OPLAH: variants seen among roughly 807,000 people sequenced by gnomAD.
The protein encoded by OPLAH is 5-oxoprolinase, ATP-hydrolysing, also known as 5-oxoprolinase.
Under a neutral mutation model 122.8 loss-of-function variants are expected in OPLAH, and 103 were observed. The observed-to-expected ratio is 0.84, with a 90% confidence interval of 0.71 to 0.99. The LOEUF is 0.99. OPLAH is among the 50% of genes least tolerant of loss of function. The pLI, the probability that OPLAH is intolerant of heterozygous loss-of-function variation, is 0.00. For synonymous variants in OPLAH, 875 were observed against 796.0 expected, an observed-to-expected ratio of 1.10 and a Z score of -1.67; for missense variants, 1,902 against 1,836.5, an observed-to-expected ratio of 1.04 and a Z score of -0.65.
chr8:144,060,022 G>A lies in OPLAH; in HGVS notation c.11C>T (p.Pro4Leu), dbSNP rs1461320056. 6.2e-7 allele frequency: 1 copy of A among 1,611,952 alleles called. No individual in the cohort carries two copies. The highest frequency in any genetic ancestry group is 2.2e-5 in the East Asian group (1 of 44,874). The change falls in exon 2 of 27, where the codon CCC becomes CTC. Residue 4 changes from proline to leucine, a missense_variant. This residue lies in a region of OPLAH where 168 missense variants were observed against 170.6 expected (regional missense o/e 0.98). Transcript: ENST00000618853. MGS[P>L]EGRFHFAIDR... is the part of the protein sequence containing the mutation. Reference sequence around the variant, plus strand: ...GATGGCAAAGTGGAAGCGGCCCTCGGGGCTGCCCATGGTGGTGGGGCTGGA... The same window carrying A: ...GATGGCAAAGTGGAAGCGGCCCTCGAGGCTGCCCATGGTGGTGGGGCTGGA...
At position 144,055,746 on chromosome 8, in the gene OPLAH, C is replaced by A; in HGVS notation, c.2248+42G>T. 2.1e-6 allele frequency: 3 copies of A among 1,462,410 alleles called. No homozygotes were observed. The highest frequency in any genetic ancestry group is 2.8e-5 in the South Asian group (2 of 71,230). 90.6% of individuals were successfully genotyped at this position (1,462,410 alleles called of 1,614,324 possible). A position where few individuals can be genotyped will look rare whatever the true frequency, so the allele number is the denominator to read the frequency against. ...CCCTGCCAGCTACCCCATGACACAG[C>A]CGGCGCCTCATCCCACAGGGAGCCT... On this transcript the variant is annotated intron_variant, in intron 16 of 26. Transcript: ENST00000618853. The surrounding 1 kb of genome is among the most constrained non-coding windows in gnomAD (Gnocchi z 6.5).
Position 144,052,486 on chromosome 8 carries a change from A to G in OPLAH, c.3266T>C (p.Val1089Ala). The G allele has an allele frequency of 1.3e-6, 2 of 1,561,288 alleles. No homozygotes were observed. Among genetic ancestry groups the G allele is most frequent in the Non-Finnish European group, 1.7e-6 (2 of 1,160,106 alleles). ...GCAGGCCCCAAAGGCCCCCAGGATG[A>G]CATCCACCACGCGCTGCGACGTGAG... ...NVLTSQRVVD[V>A]ILGAFGACAA... is the part of the protein sequence containing the mutation. The change falls in exon 23 of 27, where the codon GTC becomes GCC. Residue 1089 changes from valine to alanine, a missense_variant. Val to Ala is a moderately conservative substitution (Grantham distance 64, BLOSUM62 0). Coordinates refer to ENST00000618853, the MANE Select transcript of OPLAH (RefSeq NM_017570.5).
At chr8:144,050,731 GTGGACCTGGGGAGCGCCGT>G, downstream of OPLAH, 1 of 985,890 alleles carries the variant, frequency 1.0e-6, no homozygotes, top group African/African-American at 1.7e-5. Context: ...GGAGCGGGAA[GTGGACCTGGGGAGCGCCGT>G]CGGCTGAGGC....
rs782155845 is a variant in OPLAH, at chr8:144,054,569, T to A, written c.2678A>T (p.Gln893Leu). 3 of 1,585,438 alleles carry A rather than the reference T, an allele frequency of 1.9e-6. No homozygotes were observed. The highest frequency in any genetic ancestry group is 2.6e-6 in the Non-Finnish European group (3 of 1,160,416). ...ACCCCACTCCCACTCACCCTCCTCC[T>A]GGAAGACGCCCCCCTGGACAAGTTT... ...SFKLVQGGVF[Q>L]EEAVTEALRA... Residue 893 changes from glutamine (Q) to leucine (L), a missense_variant, in exon 19 of 27, where the codon CAG becomes CTG. Coordinates refer to ENST00000618853, the MANE Select transcript of OPLAH (RefSeq NM_017570.5).
Position 144,057,899 on chromosome 8 carries a change from G to A in OPLAH, c.1113C>T (p.Pro371=), listed in dbSNP as rs201269759. The change falls in exon 9 of 27, where the codon CCC becomes CCT. Residue 371 remains proline, a synonymous_variant. Transcript: ENST00000618853. ...FFRSGLFVVG[P]ESAGAHPGPA... ...GTCCTGGGTGGGCTCCTGCTGACTCGGGCCCAACCACAAAGAGGCCAGACC... is the reference window on the plus strand; with the variant it reads ...GTCCTGGGTGGGCTCCTGCTGACTCAGGCCCAACCACAAAGAGGCCAGACC... 1.7e-4 allele frequency: 276 copies of A among 1,611,994 alleles called. 1 individual carries two copies. Among genetic ancestry groups the A allele is most frequent in the Middle Eastern group, 3.3e-4 (2 of 6,072 alleles).
rs573174529 is a variant in OPLAH, at chr8:144,052,618, C to T, written c.3154-20G>A. ...GCAGCCCTGTGCGGGGCGGGCGGCT[C>T]TCAGGAGCTCTTGGGGTGGGCTCCG... On this transcript the variant is annotated intron_variant, in intron 22 of 26. Transcript: ENST00000618853. The T allele has an allele frequency of 1.6e-5, 26 of 1,577,290 alleles. No homozygotes were observed. The South Asian group carries it at 3.0e-4, about 18-fold the overall frequency.
Position 144,058,138 on chromosome 8 carries a change from C to A in OPLAH, c.960G>T (p.Thr320=), listed in dbSNP as rs375010602. ...VIGFDMGGTS[T]DVSRYAGEFE... ...ATTCCCCAGCATAGCGGCTCACATC[C>A]GTGGACGTGCCTGGCAGGGGTGGGG... The change falls in exon 8 of 27, where the codon ACG becomes ACT. Residue 320 remains threonine, a synonymous_variant. Transcript: ENST00000618853. 675 of 1,612,276 alleles carry A rather than the reference C, an allele frequency of 4.2e-4. No homozygotes were observed. Among genetic ancestry groups the A allele is most frequent in the Non-Finnish European group, 5.1e-4 (605 of 1,179,780 alleles).
At position 144,051,473 on chromosome 8, in the gene OPLAH, CTGTT is replaced by C; in HGVS notation, c.3721-5_3721-2del. On this transcript the variant is annotated splice_acceptor_variant and splice_polypyrimidine_tract_variant and intron_variant, in intron 26 of 26. Transcript: ENST00000618853. LOFTEE classifies it high-confidence loss of function. ...CGGGCGTGTGGAGACAGAACACATC[CTGTT>C]GGCGCGGGGGGGGGCGGGGAGGCGG... 1 of 874,866 alleles carries C rather than the reference CTGTT, an allele frequency of 1.1e-6. No homozygotes were observed. The highest frequency in any genetic ancestry group is 1.5e-6 in the Non-Finnish European group (1 of 652,888). 54.2% of individuals were successfully genotyped at this position (874,866 alleles called of 1,614,324 possible). A position where few individuals can be genotyped will look rare whatever the true frequency, so the allele number is the denominator to read the frequency against.
In OPLAH at chr8:144,057,059, T is replaced by G; in HGVS notation, c.1595A>C (p.Gln532Pro). The change falls in exon 12 of 27, where the codon CAG becomes CCG. Residue 532 changes from glutamine (Q) to proline (P), a missense_variant. Physicochemically the swap from Gln to Pro is moderately conservative, Grantham distance 76. Around this residue, in one of 3 missense-constraint regions of OPLAH, gnomAD observed 1,726 missense variants for 1,642.1 expected, o/e 1.05. Transcript: ENST00000618853. ...LALADVVHEA[Q>P]EPCSLLYAPE... ...CGCGTAGAGCAGGGAGCAGGGTTCC[T>G]GTGCCTCATGCACCACGTCAGCCAG... 6.2e-7 allele frequency: 1 copy of G among 1,602,406 alleles called. No homozygotes were observed. The highest frequency in any genetic ancestry group is 8.5e-7 in the Non-Finnish European group (1 of 1,175,596).
Position 144,054,638 on chromosome 8 carries a change from T to C in OPLAH, c.2609A>G (p.His870Arg). Reference sequence around the variant, plus strand: ...ACCCTCCTGTTGCAGCATGGTGGAGTGGGGGGGCATGGAGCCTGGTGTGAT... The same window carrying C: ...ACCCTCCTGTTGCAGCATGGTGGAGCGGGGGGGCATGGAGCCTGGTGTGAT... ...GGITPGSMPP[H>R]STMLQQEGAV... Residue 870 changes from histidine (H) to arginine (R), a missense_variant, in exon 19 of 27, where the codon CAC becomes CGC. Physicochemically the swap from His to Arg is conservative, Grantham distance 29. Around this residue, in one of 3 missense-constraint regions of OPLAH, gnomAD observed 1,726 missense variants for 1,642.1 expected, o/e 1.05. Transcript: ENST00000618853. 6.2e-7 allele frequency: 1 copy of C among 1,610,666 alleles called. No individual in the cohort carries two copies. Among genetic ancestry groups the C allele is most frequent in the Non-Finnish European group, 8.5e-7 (1 of 1,178,468 alleles).
intron 15 of OPLAH, 103 bp downstream of exon 15, chr8:144,056,044 C>T: frequency 6.6e-7 from 1 of 1,504,328 alleles, no homozygotes; most frequent in Non-Finnish European, 8.9e-7. Context: ...TGGTGGGATA[C>T]AGAGTCCTGC....
At chr8:144,051,885 G>C in intron 25 of OPLAH, 31 bp downstream of exon 25, 1 of 620,010 alleles carries the variant, frequency 1.6e-6, no homozygotes, top group South Asian at 1.5e-5. Context: ...GCGGGGGCGG[G>C]GAGGGCCGCG....
At chr8:144,052,948 C>T (rs1835423551) in intron 21 of OPLAH, 35 bp downstream of exon 21, 1 of 1,577,222 alleles carries the variant, frequency 6.3e-7, no homozygotes, top group Non-Finnish European at 8.6e-7. Flanking sequence ...CGCACCGTGC[C>T]CCTGCCGCCT....
At chr8:144,050,616 C>T (rs1319822282), downstream of OPLAH, 10 of 985,560 alleles carry the variant, frequency 1.0e-5, no homozygotes, top group Non-Finnish European at 1.2e-5. Flanking sequence ...CCAAAAGCAG[C>T]CCTGGGCCCT....
chr8:144,051,243 C>A, downstream of OPLAH: 1 of 1,580,604 alleles, frequency 6.3e-7, no homozygotes, highest in Non-Finnish European at 8.6e-7. Flanking sequence ...CTGGCGCGCA[C>A]AGACACGACT....
chr8:144,052,430 G>T lies in OPLAH; in HGVS notation c.3303+19C>A. The T allele has an allele frequency of 6.5e-7, 1 of 1,531,348 alleles. No individual in the cohort carries two copies. Among genetic ancestry groups the T allele is most frequent in the Non-Finnish European group, 8.7e-7 (1 of 1,143,786 alleles). The allele number at this position is 1,531,348 out of a possible 1,614,324, so 94.9% of individuals were successfully genotyped here. A position where few individuals can be genotyped will look rare whatever the true frequency, so the allele number is the denominator to read the frequency against. On this transcript the variant is annotated intron_variant, in intron 23 of 26. Transcript: ENST00000618853. Reference sequence around the variant, plus strand: ...CCCACCCAGTCCGCCCCCGAGCTGCGCCCACCCCGCCCCCGCACCTGGGAG... The same window carrying T: ...CCCACCCAGTCCGCCCCCGAGCTGCTCCCACCCCGCCCCCGCACCTGGGAG...
intron 9 of OPLAH, 31 bp from the exon 10 acceptor site, chr8:144,057,744 G>A (rs1835559552): frequency 6.2e-7 from 1 of 1,610,420 alleles, no homozygotes; most frequent in Non-Finnish European, 8.5e-7. Context: ...GGGGCTTGGG[G>A]GCTGGAGGCA....
At position 144,055,764 on chromosome 8, in the gene OPLAH, G is replaced by A; in HGVS notation, c.2248+24C>T. ...GACACAGCCGGCGCCTCATCCCACA[G>A]GGAGCCTGGCAGCGGCCACTCACCA... On this transcript the variant is annotated intron_variant, in intron 16 of 26. Transcript: ENST00000618853. This position sits in a 1 kb window ranked among gnomAD's most constrained non-coding sequence, Gnocchi z 6.5. 1 of 1,485,970 alleles carries A rather than the reference G, an allele frequency of 6.7e-7. No homozygotes were observed. The highest frequency in any genetic ancestry group is 9.0e-7 in the Non-Finnish European group (1 of 1,110,456). 92.0% of individuals were successfully genotyped at this position (1,485,970 alleles called of 1,614,324 possible). A position where few individuals can be genotyped will look rare whatever the true frequency, so the allele number is the denominator to read the frequency against.
At position 144,054,424 on chromosome 8, in the gene OPLAH, T is replaced by C; in HGVS notation, c.2686+137A>G. On this transcript the variant is annotated intron_variant, in intron 19 of 26. Coordinates refer to ENST00000618853, the MANE Select transcript of OPLAH (RefSeq NM_017570.5). ...TCCGATCTGCAGCTGCCCTTTGGGG[T>C]AACCACCTATCTCCTCCCAGCCTCA... is the stretch of plus-strand genomic sequence containing the variant. The C allele has an allele frequency of 3.2e-6, 3 of 947,610 alleles. No homozygotes were observed. In the South Asian group the frequency reaches 5.5e-5, roughly 17 times the overall value. 58.7% of individuals were successfully genotyped at this position (947,610 alleles called of 1,614,324 possible). A position where few individuals can be genotyped will look rare whatever the true frequency, so the allele number is the denominator to read the frequency against.
Sources: allele counts gnomAD v4.1 joint callset, GRCh38; gene constraint gnomAD v4.1.1; regional missense constraint gnomAD v4.1.1; non-coding constraint Gnocchi (gnomAD v3.1); transcripts MANE v1.5; gene names NCBI Gene and HGNC (gene_info 2026-07-23, HGNC 2026-07-21).